The following MARCHF5 variants were observed in gnomAD, a reference collection of about 807,000 sequenced individuals.
MARCHF5 encodes membrane associated ring-CH-type finger 5.
In MARCHF5, 5 loss-of-function variants were observed where a neutral mutation model predicts 36.5. That is an observed-to-expected ratio of 0.14 (90% CI 0.07 to 0.29). The LOEUF is 0.29. Ranked by LOEUF, MARCHF5 falls within the 10% of genes least tolerant of loss-of-function variation. The pLI is 1.00. For synonymous variants in MARCHF5, 103 were observed against 109.9 expected, an observed-to-expected ratio of 0.94 and a Z score of 0.39; for missense variants, 179 against 336.3, an observed-to-expected ratio of 0.53 and a Z score of 3.66.
intron 3 of MARCHF5, among the ~76,000 whole-genome samples, chr10:92,347,193 G>A (rs1228448315): frequency 6.6e-6 from 1 of 151,732 alleles, no homozygotes; most frequent in African/African-American, 2.4e-5. Flanking sequence ...TTCTTTAAAG[G>A]AATTTCCTGG....
chr10:92,306,379 T>G (rs540519692), intron 1 of MARCHF5, among the ~76,000 whole-genome samples: 6 of 152,228 alleles, frequency 3.9e-5, no homozygotes, highest in African/African-American at 1.2e-4. Flanking sequence ...GTTTCTGGGG[T>G]TGGTTATGGT....
intron 1 of MARCHF5, among the ~76,000 whole-genome samples, chr10:92,304,295 TTA>T (rs1351375484): frequency 3.9e-5 from 6 of 152,160 alleles, no homozygotes; most frequent in Admixed American, 2.0e-4. Flanking sequence ...CATATGGAGG[TTA>T]TATATGTGCT....
chr10:92,310,499 T>C (rs1009176738), intron 1 of MARCHF5, among the ~76,000 whole-genome samples: 1 of 152,188 alleles, frequency 6.6e-6, no homozygotes, highest in Non-Finnish European at 1.5e-5. Flanking sequence ...GACTTGATAC[T>C]TCTAGATTTC....
rs1253690029 is a variant in MARCHF5, at chr10:92,353,563, C to G, written c.*2356C>G. On this transcript the variant is annotated 3_prime_UTR_variant, in exon 6 of 6. Transcript: ENST00000358935. ...AATTGCTAAGTAATCTGTTTGCACTCTAGGAAAAGTAAATGGAGAGGTAAA... is the reference window on the plus strand; with the variant it reads ...AATTGCTAAGTAATCTGTTTGCACTGTAGGAAAAGTAAATGGAGAGGTAAA... The G allele has an allele frequency of 6.6e-6, 1 of 152,174 alleles. No individual in the cohort carries two copies. The highest frequency in any genetic ancestry group is 1.5e-5 in the Non-Finnish European group (1 of 68,026). The allele number at this position is 152,174 out of a possible 1,614,324, so 9.4% of individuals were successfully genotyped here.
intron 2 of MARCHF5, among the ~76,000 whole-genome samples, chr10:92,330,653 A>G (rs1019997893): frequency 6.6e-6 from 1 of 152,196 alleles, no homozygotes; most frequent in African/African-American, 2.4e-5. Context: ...CCACTGTCCT[A>G]TAATGTTTAA....
intron 2 of MARCHF5, among the ~76,000 whole-genome samples, chr10:92,330,090 G>T (rs544743342): frequency 2.6e-5 from 4 of 152,110 alleles, no homozygotes; most frequent in African/African-American, 9.7e-5. Context: ...TGATTCACCC[G>T]CCTTGGCCTC....
Position 92,306,238 on chromosome 10 carries a change from C to A in MARCHF5, c.36-4897C>A, listed in dbSNP as rs574912291. 3.9e-5 allele frequency among the ~76,000 whole-genome samples: 6 copies of A among 152,276 alleles called. 1 individual carries two copies. In the South Asian group the frequency reaches 1.2e-3, roughly 32 times the overall value. On this transcript the variant is annotated intron_variant, in intron 1 of 5. Coordinates refer to ENST00000358935, the MANE Select transcript of MARCHF5 (RefSeq NM_017824.5). ...TAGCCTCACATTCTCTGCTTCTAAG[C>A]CCAGAAGAAGAGAGAAAGTCTGTAT... is the stretch of plus-strand genomic sequence containing the variant.
chr10:92,300,171 A>C (rs1246048831), intron 1 of MARCHF5, among the ~76,000 whole-genome samples: 1 of 151,086 alleles, frequency 6.6e-6, no homozygotes, highest in African/African-American at 2.4e-5. Flanking sequence ...TCAAAAAAAA[A>C]AAAGAAAAGA....
intron 1 of MARCHF5, among the ~76,000 whole-genome samples, chr10:92,293,351 C>T (rs1262094348): frequency 6.6e-6 from 1 of 152,102 alleles, no homozygotes; most frequent in Non-Finnish European, 1.5e-5. Context: ...GTGATCCTCC[C>T]GCCTAGCCTC....
intron 3 of MARCHF5, among the ~76,000 whole-genome samples, chr10:92,346,657 AT>A (rs1843648011): frequency 6.6e-6 from 1 of 151,506 alleles, no homozygotes; most frequent in Non-Finnish European, 1.5e-5. Context: ...CCTGGCTTGT[AT>A]TTTTAATAGA....
chr10:92,297,786 G>T (rs1335872105), intron 1 of MARCHF5, among the ~76,000 whole-genome samples: 2 of 151,948 alleles, frequency 1.3e-5, no homozygotes, highest in East Asian at 3.9e-4. Flanking sequence ...CGCCACACCT[G>T]GCCTTTTTTC....
At chr10:92,312,798 A>C (rs1229601181) in intron 2 of MARCHF5, among the ~76,000 whole-genome samples, 1 of 152,220 alleles carries the variant, frequency 6.6e-6, no homozygotes, top group Non-Finnish European at 1.5e-5. Flanking sequence ...AGTGTATGGC[A>C]CTCGAAAGCA....
At position 92,346,428 on chromosome 10, in the gene MARCHF5, C is replaced by G. The variant is rs1478225331; in HGVS notation, c.370-2921C>G. Among the ~76,000 whole-genome samples, 5 of 151,632 alleles carry G rather than the reference C, an allele frequency of 3.3e-5. No individual in the cohort carries two copies. The East Asian group carries it at 9.7e-4, about 29-fold the overall frequency. ...TAACTTGCTTGAGCATGGGGCATCT[C>G]TCTTCACTTTAGTTGTAACAAGTGA... On this transcript the variant is annotated intron_variant, in intron 3 of 5. Coordinates refer to ENST00000358935, the MANE Select transcript of MARCHF5 (RefSeq NM_017824.5).
intron 1 of MARCHF5, among the ~76,000 whole-genome samples, 167 bp from the exon 2 acceptor site, chr10:92,310,968 G>T (rs1843137665): frequency 6.6e-6 from 1 of 152,180 alleles, no homozygotes; most frequent in Non-Finnish European, 1.5e-5. Context: ...AGTAGAAACT[G>T]CTCTAGTGGG....
chr10:92,348,075 C>G (rs1056067174), intron 3 of MARCHF5, among the ~76,000 whole-genome samples: 2 of 151,576 alleles, frequency 1.3e-5, no homozygotes, highest in Non-Finnish European at 2.9e-5. Flanking sequence ...CCCAGCTACT[C>G]GAAAGGCTGA....
intron 2 of MARCHF5, among the ~76,000 whole-genome samples, chr10:92,316,607 C>T (rs570336254): frequency 2.7e-4 from 41 of 152,182 alleles, no homozygotes; most frequent in South Asian, 6.2e-4. Context: ...TTGTTGCCTA[C>T]GCTGGAGTAC....
Position 92,324,295 on chromosome 10 carries a change from G to C in MARCHF5, c.238+12958G>C, listed in dbSNP as rs138236918. On this transcript the variant is annotated intron_variant, in intron 2 of 5. Transcript: ENST00000358935. ...AGTTCTTTGTCAGATGTCTTGGGCA[G>C]ATCTTTTCTCCTTGGTTGTCTTCTC... Among the ~76,000 whole-genome samples, 133 of 152,286 alleles carry C rather than the reference G, an allele frequency of 8.7e-4. 1 individual carries two copies. Among genetic ancestry groups the C allele is most frequent in the African/African-American group, 2.4e-3 (101 of 41,566 alleles).
At chr10:92,311,031 G>C in intron 1 of MARCHF5, 104 bp from the exon 2 acceptor site, 4 of 764,384 alleles carry the variant, frequency 5.2e-6, no homozygotes, top group Non-Finnish European at 8.5e-6. Flanking sequence ...CAGAGATTCT[G>C]TAATATAACA....
intron 2 of MARCHF5, among the ~76,000 whole-genome samples, chr10:92,326,785 T>C (rs1387063162): frequency 8.2e-6 from 1 of 121,626 alleles, no homozygotes; most frequent in Non-Finnish European, 1.5e-5. Flanking sequence ...CATAAGCAGT[T>C]TTTTTTTTTT....
Sources: allele counts gnomAD v4.1 joint callset (sites outside exome capture counted in the v4.1 genomes callset), GRCh38; gene constraint gnomAD v4.1.1; transcripts MANE v1.5; gene names NCBI Gene and HGNC (gene_info 2026-07-23, HGNC 2026-07-21).